GLOD4: variants seen among roughly 807,000 people sequenced by gnomAD.
GLOD4 encodes glyoxalase domain-containing protein 4.
In GLOD4, 44 loss-of-function variants were observed where a neutral mutation model predicts 39.1. The ratio of observed to expected loss-of-function variants is 1.13; its 90% CI spans 0.88 to 1.45. GLOD4 has a LOEUF of 1.45. Ranked by LOEUF, GLOD4 falls within the 40% of genes most tolerant of loss-of-function variation. GLOD4 has a pLI of 0.00. For missense variants in GLOD4, 405 were observed against 366.4 expected (o/e 1.11, Z -0.86); for synonymous variants, 145 against 135.0 (o/e 1.07, Z -0.52).
At chr17:781,585 C>T (rs1415259246) in intron 1 of GLOD4, among the ~76,000 whole-genome samples, 1 of 152,190 alleles carries the variant, frequency 6.6e-6, no homozygotes, top group Non-Finnish European at 1.5e-5. Context: ...ACCTCCCTGG[C>T]TTATCAAAGG....
At chr17:781,675 G>A (rs368501810) in intron 1 of GLOD4, among the ~76,000 whole-genome samples, 5 of 152,044 alleles carry the variant, frequency 3.3e-5, no homozygotes, top group African/African-American at 1.2e-4. Context: ...ACCGCTTCTG[G>A]GTGCTGTTGA....
At chr17:776,798 C>T (rs1909036507) in intron 3 of GLOD4, 70 bp downstream of exon 3, 2 of 1,117,888 alleles carry the variant, frequency 1.8e-6, no homozygotes, top group East Asian at 4.7e-5. Flanking sequence ...ACACCCTTGG[C>T]ACTCTACTCA....
intron 8 of GLOD4, among the ~76,000 whole-genome samples, chr17:769,355 C>A (rs1907473066): frequency 1.3e-5 from 2 of 148,632 alleles, no homozygotes; most frequent in African/African-American, 5.0e-5. Flanking sequence ...ATGCGGAGAG[C>A]TGAGGGGAAC....
At chr17:774,279 G>C (rs769033214) in intron 4 of GLOD4, among the ~76,000 whole-genome samples, 3 of 152,168 alleles carry the variant, frequency 2.0e-5, no homozygotes, top group Non-Finnish European at 4.4e-5. Flanking sequence ...ACATTCTACA[G>C]ACTCAGCATG....
At chr17:760,628 C>T (rs538702535) in intron 8 of GLOD4, among the ~76,000 whole-genome samples, 33 of 152,268 alleles carry the variant, frequency 2.2e-4, no homozygotes, top group Admixed American at 7.2e-4. Context: ...TCTGGGCAGA[C>T]GCTCAAGAAT....
chr17:768,885 T>G (rs71357113), intron 8 of GLOD4, among the ~76,000 whole-genome samples: 6 of 67,372 alleles, frequency 8.9e-5, no homozygotes, highest in East Asian at 4.0e-4. Flanking sequence ...CTGGAGAGGA[T>G]GTGAGAGAGA....
At chr17:778,842 A>T (rs1909388037) in intron 1 of GLOD4, 98 bp from the exon 2 acceptor site, 1 of 689,568 alleles carries the variant, frequency 1.5e-6, no homozygotes, top group Non-Finnish European at 2.6e-6. Flanking sequence ...ATTATCATTT[A>T]TAAGCTTTAC....
intron 4 of GLOD4, among the ~76,000 whole-genome samples, chr17:773,203 T>TA (rs1481729727): frequency 2.6e-5 from 4 of 152,166 alleles, no homozygotes; most frequent in Non-Finnish European, 4.4e-5. Flanking sequence ...CCAAAAGCTT[T>TA]AAAAAGTGCT....
chr17:774,066 C>T (rs1043636221), intron 4 of GLOD4, among the ~76,000 whole-genome samples: 1 of 152,178 alleles, frequency 6.6e-6, no homozygotes, highest in African/African-American at 2.4e-5. Context: ...GATGGTGGAG[C>T]TAGCTGCAAG....
chr17:774,312 G>C (rs1055058409), intron 4 of GLOD4, among the ~76,000 whole-genome samples: 7 of 152,174 alleles, frequency 4.6e-5, no homozygotes, highest in Non-Finnish European at 8.8e-5. Context: ...ACAGGAGGCC[G>C]ACCAGTGAAG....
chr17:782,535 G>A (rs533889722), upstream of GLOD4: 3 of 1,613,540 alleles, frequency 1.9e-6, no homozygotes, highest in South Asian at 2.2e-5. Context: ...ACAGAAGCGC[G>A]CTCCTGGGAA....
rs1024604126 is a variant in GLOD4 at position 780,890 on chromosome 17, T to A, written c.90+1276A>T. Among the ~76,000 whole-genome samples, 305 of 151,420 alleles carry A rather than the reference T, an allele frequency of 2.0e-3. 1 individual carries two copies. The highest frequency in any genetic ancestry group is 7.1e-3 in the African/African-American group (294 of 41,332). On this transcript the variant is annotated intron_variant, in intron 1 of 8. Transcript: ENST00000301329. Reference sequence around the variant, plus strand: ...AATCTACTATTACCGATATGTTAAATACTATACATATAATAAGGTGTTGAA... The same window carrying A: ...AATCTACTATTACCGATATGTTAAAAACTATACATATAATAAGGTGTTGAA...
chr17:770,287 C>A, intron 6 of GLOD4, 130 bp from the exon 7 acceptor site: 2 of 760,546 alleles, frequency 2.6e-6, no homozygotes, highest in Non-Finnish European at 4.7e-6. Context: ...ATTATCTCAG[C>A]TGCTCTTGAA....
intron 8 of GLOD4, among the ~76,000 whole-genome samples, chr17:769,516 A>T (rs1471898562): frequency 3.5e-5 from 5 of 144,872 alleles, no homozygotes; most frequent in Non-Finnish European, 7.5e-5. Flanking sequence ...AGGGGGTCGG[A>T]TGGAGGCATC....
chr17:783,702 G>A (rs534242252), upstream of GLOD4, among the ~76,000 whole-genome samples: 7 of 152,284 alleles, frequency 4.6e-5, no homozygotes, highest in Admixed American at 3.9e-4. Context: ...TAGGACAGCA[G>A]CATTGAAATG....
chr17:782,730 C>G (rs1403003567), upstream of GLOD4: 1 of 1,555,774 alleles, frequency 6.4e-7, no homozygotes, highest in Admixed American at 1.8e-5. Context: ...GTTCTCGTTT[C>G]CCTTCCCGTC....
At chr17:783,106 C>G (rs1910264324), upstream of GLOD4, 2 of 1,613,616 alleles carry the variant, frequency 1.2e-6, no homozygotes, top group African/African-American at 2.7e-5. Flanking sequence ...ATAGTAAAGT[C>G]CAGGCCATTT....
upstream of GLOD4, chr17:782,766 C>G (rs191360526): frequency 2.1e-6 from 3 of 1,433,840 alleles, no homozygotes; most frequent in Non-Finnish European, 1.9e-6. Context: ...AACCTCCTTC[C>G]GATGGAGGAC....
intron 3 of GLOD4, 140 bp downstream of exon 3, chr17:776,728 C>T (rs1156866196): frequency 6.0e-6 from 4 of 670,738 alleles, no homozygotes; most frequent in East Asian, 2.7e-5. Flanking sequence ...CAGATATCCA[C>T]GTGGCTAACT....
Sources: allele counts gnomAD v4.1 joint callset (sites outside exome capture counted in the v4.1 genomes callset), GRCh38; gene constraint gnomAD v4.1.1; transcripts MANE v1.5; gene names NCBI Gene and HGNC (gene_info 2026-07-23, HGNC 2026-07-21).